POU2F2: variants seen among roughly 807,000 people sequenced by gnomAD.
The protein encoded by POU2F2 is POU class 2 homeobox 2.
Under a neutral mutation model 63.5 loss-of-function variants are expected in POU2F2, and 14 were observed. The observed-to-expected ratio is 0.22, with a 90% CI of 0.15 to 0.34. The LOEUF is 0.34. Ranked by LOEUF, POU2F2 falls within the 10% of genes least tolerant of loss-of-function variation. POU2F2 has a pLI of 1.00. For synonymous variants in POU2F2, 306 were observed against 348.6 expected (o/e 0.88, Z 1.36); for missense variants, 607 against 815.2 (o/e 0.74, Z 3.11).
intron 1 of POU2F2, among the ~76,000 whole-genome samples, chr19:42,192,219 T>C (rs537495118): frequency 2.0e-5 from 3 of 151,782 alleles, no homozygotes; most frequent in South Asian, 4.2e-4. Flanking sequence ...AGAGCATGGG[T>C]TGGGGTGGAG....
intron 1 of POU2F2, among the ~76,000 whole-genome samples, chr19:42,191,172 C>T (rs1051860186): frequency 3.3e-5 from 5 of 152,032 alleles, no homozygotes; most frequent in African/African-American, 4.8e-5. Context: ...ACCCTCCATT[C>T]TTCTCTACCC....
At chr19:42,093,554 A>G (rs1351920442) in intron 12 of POU2F2, 10 of 379,790 alleles carry the variant, frequency 2.6e-5, no homozygotes. Flanking sequence ...ACACAGCTTA[A>G]AAATGACAGA....
chr19:42,132,363 C>A, intron 1 of POU2F2, 21 bp downstream of exon 1: 1 of 1,578,828 alleles, frequency 6.3e-7, no homozygotes, highest in Admixed American at 1.8e-5. Context: ...TGAGCAGTGG[C>A]ACAGGCACCA....
At chr19:42,134,510 G>A (rs914520749), upstream of POU2F2, 3 of 152,548 alleles carry the variant, frequency 2.0e-5, no homozygotes, top group South Asian at 2.1e-4. Flanking sequence ...GAAGGAGGAT[G>A]GGCCTGCCTG....
intron 2 of POU2F2, among the ~76,000 whole-genome samples, chr19:42,154,447 C>G (rs1198660066): frequency 6.6e-6 from 1 of 152,038 alleles, no homozygotes; most frequent in African/African-American, 2.4e-5. Context: ...GAGAGAGACG[C>G]AGAGACAGTG....
At chr19:42,147,567 C>T (rs760612515) in intron 2 of POU2F2, among the ~76,000 whole-genome samples, 11 of 152,296 alleles carry the variant, frequency 7.2e-5, no homozygotes, top group African/African-American at 2.4e-4. Flanking sequence ...GCCCAACAAA[C>T]GCTGGGCACA....
rs1163912546 is a variant in POU2F2 at position 42,087,923 on chromosome 19, T to C, written c.*3334A>G. ...CAAAATAAAAACGATGAGATAGTTT[T>C]GTTTCCCGGAGTCGAGACGGGGGAC... is the stretch of plus-strand genomic sequence containing the variant. On this transcript the variant is annotated 3_prime_UTR_variant, in exon 15 of 15. Transcript: ENST00000692977. 1 of 152,200 alleles carries C rather than the reference T, an allele frequency of 6.6e-6. No individual in the cohort carries two copies. The highest frequency in any genetic ancestry group is 1.5e-5 in the Non-Finnish European group (1 of 68,090). The allele number at this position is 152,200 out of a possible 1,614,324, so 9.4% of individuals were successfully genotyped here.
intron 5 of POU2F2, among the ~76,000 whole-genome samples, chr19:42,105,982 T>C (rs1277507348): frequency 6.6e-6 from 1 of 151,922 alleles, no homozygotes; most frequent in African/African-American, 2.4e-5. Context: ...TAACATATGA[T>C]ATATAGGATC....
Position 42,096,364 on chromosome 19 carries a change from C to T in POU2F2, c.568-121G>A. On this transcript the variant is annotated intron_variant, in intron 7 of 14. Transcript: ENST00000692977. The surrounding 1 kb of genome is among the most constrained non-coding windows in gnomAD (Gnocchi z 4.1). ...GCGTTCCATCCGCCGCCTGCAGACT[C>T]CCCCCGCCTTCCTCCACAAGCACCG... 9.7e-7 allele frequency: 1 copy of T among 1,027,756 alleles called. No homozygotes were observed. Among genetic ancestry groups the T allele is most frequent in the Non-Finnish European group, 1.4e-6 (1 of 726,048 alleles). The allele number at this position is 1,027,756 out of a possible 1,614,324, so 63.7% of individuals were successfully genotyped here. A position where few individuals can be genotyped will look rare whatever the true frequency, so the allele number is the denominator to read the frequency against.
chr19:42,184,614 C>G (rs1227491190), intron 1 of POU2F2, among the ~76,000 whole-genome samples: 1 of 152,152 alleles, frequency 6.6e-6, no homozygotes, highest in Non-Finnish European at 1.5e-5. Context: ...CCCACTACTG[C>G]CCCCCAAGAC....
upstream of POU2F2, chr19:42,136,621 C>T (rs1568409395): frequency 6.6e-6 from 1 of 152,290 alleles, no homozygotes; most frequent in Admixed American, 6.5e-5. Flanking sequence ...CCAAGTCACA[C>T]AGCATGAGTG....
intron 1 of POU2F2, among the ~76,000 whole-genome samples, chr19:42,175,343 G>A (rs2034853344): frequency 6.6e-6 from 1 of 152,166 alleles, no homozygotes; most frequent in Non-Finnish European, 1.5e-5. Flanking sequence ...GCCTTTGCAT[G>A]GAGCCCCTTT....
Position 42,089,406 on chromosome 19 carries a change from GTCTT to G in POU2F2, c.*1847_*1850del, listed in dbSNP as rs1568960170. The stretch of plus-strand genomic sequence containing the variant: ...TTGCTTTCTTACTCCTTTTTTTCCT[GTCTT>G]TTTTTAAAGCTTTTTCAGTTGATTT... On this transcript the variant is annotated 3_prime_UTR_variant, in exon 15 of 15. Coordinates refer to ENST00000692977, the MANE Select transcript of POU2F2 (RefSeq NM_001394376.1). The G allele has an allele frequency of 2.0e-5, 3 of 151,226 alleles. No homozygotes were observed. Among genetic ancestry groups the G allele is most frequent in the African/African-American group, 7.3e-5 (3 of 41,240 alleles). The allele number at this position is 151,226 out of a possible 1,614,324, so 9.4% of individuals were successfully genotyped here.
chr19:42,106,934 G>C (rs777801691), intron 5 of POU2F2, among the ~76,000 whole-genome samples: 9 of 152,088 alleles, frequency 5.9e-5, no homozygotes, highest in Non-Finnish European at 8.8e-5. Context: ...GCTGAGGTGG[G>C]AGGATCCCTT....
chr19:42,147,913 G>T (rs897960759), intron 2 of POU2F2, among the ~76,000 whole-genome samples: 2 of 152,146 alleles, frequency 1.3e-5, no homozygotes, highest in African/African-American at 4.8e-5. Context: ...CCCCTATGAG[G>T]TAGTAGTTAT....
intron 5 of POU2F2, among the ~76,000 whole-genome samples, chr19:42,115,769 C>T (rs910392175): frequency 6.6e-6 from 1 of 152,182 alleles, no homozygotes; most frequent in African/African-American, 2.4e-5. Context: ...TGTGGAAGCC[C>T]TCACTCCTGG....
In POU2F2 at chr19:42,091,235, G is replaced by C; in HGVS notation, c.*22C>G. 1 of 1,517,310 alleles carries C rather than the reference G, an allele frequency of 6.6e-7. No homozygotes were observed. The highest frequency in any genetic ancestry group is 8.8e-7 in the Non-Finnish European group (1 of 1,136,554). 94.0% of individuals were successfully genotyped at this position (1,517,310 alleles called of 1,614,324 possible). ...GACCAAGGCAGGGACCAGAGGAATG[G>C]GAGGGGAGGCATGGCTGGCCCTCAC... On this transcript the variant is annotated 3_prime_UTR_variant, in exon 15 of 15. Transcript: ENST00000692977.
At position 42,089,962 on chromosome 19, in the gene POU2F2, C is replaced by T. The variant is rs553708600; in HGVS notation, c.*1295G>A. Reference sequence around the variant, plus strand: ...GTCTTGTGGGAGTGGTGGCCACCACCGCGCCCTCTCAGATGGGGACCACAG... The same window carrying T: ...GTCTTGTGGGAGTGGTGGCCACCACTGCGCCCTCTCAGATGGGGACCACAG... On this transcript the variant is annotated 3_prime_UTR_variant, in exon 15 of 15. Transcript: ENST00000692977. 3.9e-5 allele frequency: 6 copies of T among 152,044 alleles called. No homozygotes were observed. Among genetic ancestry groups the T allele is most frequent in the Admixed American group, 2.0e-4 (3 of 15,276 alleles). 9.4% of individuals were successfully genotyped at this position (152,044 alleles called of 1,614,324 possible). A position where few individuals can be genotyped will look rare whatever the true frequency, so the allele number is the denominator to read the frequency against.
At chr19:42,190,175 G>A (rs2035060558) in intron 1 of POU2F2, among the ~76,000 whole-genome samples, 1 of 152,110 alleles carries the variant, frequency 6.6e-6, no homozygotes. Context: ...GCTGGGATGA[G>A]CAATACACAG....
Sources: allele counts gnomAD v4.1 joint callset (sites outside exome capture counted in the v4.1 genomes callset), GRCh38; gene constraint gnomAD v4.1.1; non-coding constraint Gnocchi (gnomAD v3.1); transcripts MANE v1.5; gene names NCBI Gene and HGNC (gene_info 2026-07-23, HGNC 2026-07-21).